The following RGS12 variants were observed in gnomAD, a reference collection of about 807,000 sequenced individuals.
The protein encoded by RGS12 is regulator of G-protein signaling 12.
Under a neutral mutation model 120.1 loss-of-function variants are expected in RGS12, and 66 were observed. The ratio of observed to expected loss-of-function variants is 0.55; its 90% CI spans 0.45 to 0.67. The LOEUF is 0.67. Ranked by LOEUF, RGS12 falls within the 30% of genes least tolerant of loss-of-function variation. The pLI is 0.00. For synonymous variants in RGS12, 827 were observed against 804.7 expected (o/e 1.03, Z -0.47); for missense variants, 1,859 against 1,957.7 (o/e 0.95, Z 0.95).
rs557124735 is a variant in RGS12, at chr4:3,431,703, G to A, written c.4114+748G>A. On this transcript the variant is annotated intron_variant, in intron 17 of 17. Coordinates refer to ENST00000336727, the MANE Select transcript of RGS12 (RefSeq NM_001394154.1). ...CAGGGGTCCGAGGGCCGTGGCCTGC[G>A]TGGCCATCCCCTGGAGAGAGGAGCC... 125 of 985,652 alleles carry A rather than the reference G, an allele frequency of 1.3e-4. No homozygotes were observed. In the African/African-American group the frequency reaches 1.6e-3, roughly 12 times the overall value. 61.1% of individuals were successfully genotyped at this position (985,652 alleles called of 1,614,324 possible). A position where few individuals can be genotyped will look rare whatever the true frequency, so the allele number is the denominator to read the frequency against.
chr4:3,323,984 G>A (rs547076453), intron 2 of RGS12: 1 of 152,420 alleles, frequency 6.6e-6, no homozygotes, highest in East Asian at 1.9e-4. Context: ...ATTTCACCCA[G>A]TTTATTGGCA....
chr4:3,434,718 T>A (rs1278398937), intron 17 of RGS12, among the ~76,000 whole-genome samples: 7 of 152,366 alleles, frequency 4.6e-5, no homozygotes, highest in East Asian at 1.9e-4. Flanking sequence ...GTGCTCCTTC[T>A]GTACGCGCCA....
intron 4 of RGS12, among the ~76,000 whole-genome samples, chr4:3,404,091 A>G (rs1720872596): frequency 6.6e-6 from 1 of 152,230 alleles, no homozygotes; most frequent in African/African-American, 2.4e-5. Context: ...GAGATGGCAT[A>G]TAGCTTATTT....
upstream of RGS12, chr4:3,292,990 C>T (rs1723126365): frequency 6.7e-6 from 1 of 149,868 alleles, no homozygotes; most frequent in African/African-American, 2.4e-5. Context: ...CCGGCCTCGG[C>T]CCCGCCCTCG....
intron 17 of RGS12, chr4:3,431,510 T>C: frequency 2.0e-6 from 2 of 986,862 alleles, no homozygotes; most frequent in Non-Finnish European, 2.4e-6. Flanking sequence ...GGAGGTGACG[T>C]CAGCAGCGCT....
intron 1 of RGS12, among the ~76,000 whole-genome samples, chr4:3,295,408 A>C (rs1365009643): frequency 2.6e-5 from 4 of 152,128 alleles, no homozygotes; most frequent in African/African-American, 9.7e-5. Context: ...CGCCTGTAAT[A>C]CCAGCACTTT....
upstream of RGS12, among the ~76,000 whole-genome samples, chr4:3,291,594 G>A (rs1338230398): frequency 6.6e-6 from 1 of 152,170 alleles, no homozygotes; most frequent in Non-Finnish European, 1.5e-5. Context: ...CGATCTGTCC[G>A]CCTCAGCCTC....
At chr4:3,436,460 G>A (rs971338230) in intron 17 of RGS12, among the ~76,000 whole-genome samples, 2 of 152,192 alleles carry the variant, frequency 1.3e-5, no homozygotes, top group African/African-American at 4.8e-5. Context: ...TGGAGGCAGA[G>A]GCTGAGCAAA....
intron 6 of RGS12, 41 bp downstream of exon 6, chr4:3,414,885 C>T (rs1246468282): frequency 5.6e-6 from 8 of 1,441,402 alleles, no homozygotes; most frequent in East Asian, 2.3e-5. Context: ...GTGAGAGTGG[C>T]GTGTGAGAGA....
At chr4:3,431,032 G>C in intron 17 of RGS12, 77 bp downstream of exon 17, 2 of 1,538,482 alleles carry the variant, frequency 1.3e-6, no homozygotes, top group South Asian at 2.4e-5. Context: ...AAGGACAGTG[G>C]GCCCCCGGCT....
intron 3 of RGS12, among the ~76,000 whole-genome samples, chr4:3,346,854 T>G (rs1713842834): frequency 1.3e-5 from 2 of 152,196 alleles, no homozygotes; most frequent in Admixed American, 1.3e-4. Flanking sequence ...AAGTGACAGT[T>G]TTTACTTACC....
intron 17 of RGS12, 124 bp from the exon 18 acceptor site, chr4:3,439,331 G>A (rs1321346572): frequency 6.2e-6 from 6 of 964,880 alleles, no homozygotes; most frequent in Non-Finnish European, 9.8e-6. Context: ...CCTCTGGGAT[G>A]TGTTTGGGAT....
At chr4:3,364,640 G>A (rs1434826238) in intron 3 of RGS12, among the ~76,000 whole-genome samples, 3 of 152,164 alleles carry the variant, frequency 2.0e-5, no homozygotes, top group Non-Finnish European at 4.4e-5. Context: ...ACACAGCCCA[G>A]GGCCTGGGGC....
intron 4 of RGS12, among the ~76,000 whole-genome samples, chr4:3,397,028 C>T (rs1720108638): frequency 6.6e-6 from 1 of 152,078 alleles, no homozygotes; most frequent in Non-Finnish European, 1.5e-5. Context: ...CTAAATCTGG[C>T]TTGGTTTGCC....
At chr4:3,371,304 C>T (rs530083456) in intron 3 of RGS12, among the ~76,000 whole-genome samples, 1 of 152,150 alleles carries the variant, frequency 6.6e-6, no homozygotes, top group African/African-American at 2.4e-5. Context: ...TGTCTTGGGG[C>T]AGGGGGAATG....
chr4:3,310,912 T>C (rs901216813), intron 1 of RGS12, among the ~76,000 whole-genome samples: 1 of 152,192 alleles, frequency 6.6e-6, no homozygotes, highest in Non-Finnish European at 1.5e-5. Context: ...CAAATCCACC[T>C]TTGCCGTTAA....
intron 2 of RGS12, among the ~76,000 whole-genome samples, chr4:3,327,169 A>C (rs1190916855): frequency 6.6e-6 from 1 of 152,226 alleles, no homozygotes; most frequent in East Asian, 1.9e-4. Flanking sequence ...ATCTTTGACA[A>C]AGTTAACGAG....
intron 3 of RGS12, among the ~76,000 whole-genome samples, chr4:3,379,823 G>A (rs765404449): frequency 1.5e-4 from 23 of 152,320 alleles, no homozygotes; most frequent in Non-Finnish European, 2.5e-4. Flanking sequence ...GACACATGGG[G>A]ATTATGGGAA....
At chr4:3,397,631 G>A (rs1720172822) in intron 4 of RGS12, among the ~76,000 whole-genome samples, 1 of 152,214 alleles carries the variant, frequency 6.6e-6, no homozygotes, top group Non-Finnish European at 1.5e-5. Context: ...GCAGATAGGG[G>A]GGTGATAACC....
Sources: allele counts gnomAD v4.1 joint callset (sites outside exome capture counted in the v4.1 genomes callset), GRCh38; gene constraint gnomAD v4.1.1; transcripts MANE v1.5; gene names NCBI Gene and HGNC (gene_info 2026-07-23, HGNC 2026-07-21).